Variants in PID1 observed in about 807,000 individuals in gnomAD.
The protein encoded by PID1 is PTB-containing, cubilin and LRP1-interacting protein.
A neutral mutation model predicts 19.1 loss-of-function variants in PID1; 10 were observed. The observed-to-expected ratio is 0.52, with a 90% CI of 0.32 to 0.89. The LOEUF is 0.89. Ranked by LOEUF, PID1 falls within the 40% of genes least tolerant of loss-of-function variation. The pLI, the probability that PID1 is intolerant of heterozygous loss-of-function variation, is 0.03. For missense variants in PID1, 248 were observed against 285.3 expected, an observed-to-expected ratio of 0.87 and a Z score of 0.94; for synonymous variants, 130 against 116.0, an observed-to-expected ratio of 1.12 and a Z score of -0.78.
At chr2:229,101,758 T>C (rs933380951) in intron 2 of PID1, among the ~76,000 whole-genome samples, 3 of 152,168 alleles carry the variant, frequency 2.0e-5, no homozygotes, top group East Asian at 1.9e-4. Context: ...CCAGCTTCAA[T>C]TGCCTTCCCT....
At chr2:229,198,643 C>A (rs575215742) in intron 1 of PID1, among the ~76,000 whole-genome samples, 1 of 152,156 alleles carries the variant, frequency 6.6e-6, no homozygotes, top group Non-Finnish European at 1.5e-5. Flanking sequence ...ATGGTACCAC[C>A]ATTCAGCTAT....
At chr2:229,030,325 T>C (rs1693520088) in intron 2 of PID1, among the ~76,000 whole-genome samples, 1 of 152,214 alleles carries the variant, frequency 6.6e-6, no homozygotes, top group Non-Finnish European at 1.5e-5. Context: ...AAGACAGTTC[T>C]GGAGATGGTT....
chr2:229,062,630 A>G lies in PID1; in HGVS notation c.178-36522T>C, dbSNP rs1574597073. ...ACACAAGGCCTACAAGAATAGAATGATGATTAATGTTGGCCTCATTAAATG... is the reference window on the plus strand; with the variant it reads ...ACACAAGGCCTACAAGAATAGAATGGTGATTAATGTTGGCCTCATTAAATG... On this transcript the variant is annotated intron_variant, in intron 2 of 2. Transcript: ENST00000392055. 2.0e-5 allele frequency among the ~76,000 whole-genome samples: 3 copies of G among 151,916 alleles called. No homozygotes were observed. The South Asian group carries it at 6.2e-4, about 31-fold the overall frequency.
At position 229,222,469 on chromosome 2, in the gene PID1, T is replaced by C. The variant is rs553792897; in HGVS notation, c.30+48545A>G. Among the ~76,000 whole-genome samples the C allele has an allele frequency of 5.3e-5, 8 of 152,342 alleles. No homozygotes were observed. In the South Asian group the frequency reaches 1.7e-3, roughly 32 times the overall value. On this transcript the variant is annotated intron_variant, in intron 1 of 2. Coordinates refer to ENST00000392055, the MANE Select transcript of PID1 (RefSeq NM_001100818.2). The stretch of plus-strand genomic sequence containing the variant: ...ACTACTATGTGGCTTTTATAATTAC[T>C]TTGCTGGTTACACAGACTGTAAGAG...
intron 2 of PID1, among the ~76,000 whole-genome samples, chr2:229,126,584 C>T (rs562719893): frequency 6.6e-6 from 1 of 152,202 alleles, no homozygotes; most frequent in Non-Finnish European, 1.5e-5. Context: ...ATAACCTTTC[C>T]TCCATCATGT....
intron 1 of PID1, among the ~76,000 whole-genome samples, chr2:229,168,924 T>G (rs1259956848): frequency 6.6e-6 from 1 of 152,190 alleles, no homozygotes; most frequent in Non-Finnish European, 1.5e-5. Context: ...TAGCATTAGC[T>G]TGTCCTTAAG....
At chr2:229,114,821 T>C (rs1236419492) in intron 2 of PID1, among the ~76,000 whole-genome samples, 2 of 152,186 alleles carry the variant, frequency 1.3e-5, no homozygotes, top group African/African-American at 2.4e-5. Flanking sequence ...AAGACCTGTG[T>C]CTTATGAAGC....
At chr2:229,229,267 T>C (rs1692150775) in intron 1 of PID1, among the ~76,000 whole-genome samples, 1 of 152,190 alleles carries the variant, frequency 6.6e-6, no homozygotes, top group African/African-American at 2.4e-5. Flanking sequence ...GCCAGCAACC[T>C]CACCTTGAAG....
chr2:229,110,706 T>C (rs546793436), intron 2 of PID1, among the ~76,000 whole-genome samples: 2 of 152,322 alleles, frequency 1.3e-5, no homozygotes, highest in South Asian at 4.1e-4. Flanking sequence ...ATATCTAGAA[T>C]GTTATCTCTA....
chr2:229,025,513 A>C lies in PID1; in HGVS notation c.*119T>G, dbSNP rs1693394564. 6.8e-6 allele frequency: 5 copies of C among 735,240 alleles called. No individual in the cohort carries two copies. The highest frequency in any genetic ancestry group is 1.2e-5 in the Non-Finnish European group (5 of 424,358). 45.5% of individuals were successfully genotyped at this position (735,240 alleles called of 1,614,324 possible). A position where few individuals can be genotyped will look rare whatever the true frequency, so the allele number is the denominator to read the frequency against. On this transcript the variant is annotated 3_prime_UTR_variant, in exon 3 of 3. Coordinates refer to ENST00000392055, the MANE Select transcript of PID1 (RefSeq NM_001100818.2). The stretch of plus-strand genomic sequence containing the variant: ...TTAGAATTGCTCTTCTGAATTTAAA[A>C]ACCTTGGTCAGCCAATAGTTTGGCA...
At chr2:229,039,858 A>G (rs1217398078) in intron 2 of PID1, among the ~76,000 whole-genome samples, 1 of 152,184 alleles carries the variant, frequency 6.6e-6, no homozygotes, top group Non-Finnish European at 1.5e-5. Flanking sequence ...ACAAAACTCT[A>G]TATGTCTTTT....
intron 1 of PID1, among the ~76,000 whole-genome samples, chr2:229,187,672 A>G (rs1307200791): frequency 6.6e-6 from 1 of 152,152 alleles, no homozygotes; most frequent in Non-Finnish European, 1.5e-5. Context: ...CCCTTATTTC[A>G]TTTATGTTTT....
chr2:229,186,821 C>A (rs189787650), intron 1 of PID1, among the ~76,000 whole-genome samples: 2 of 152,310 alleles, frequency 1.3e-5, no homozygotes, highest in Non-Finnish European at 2.9e-5. Context: ...ATGGGACTTC[C>A]TTTTCTATTG....
At chr2:229,169,334 T>C (rs1690664402) in intron 1 of PID1, among the ~76,000 whole-genome samples, 2 of 152,254 alleles carry the variant, frequency 1.3e-5, no homozygotes, top group African/African-American at 4.8e-5. Flanking sequence ...TCCCAGATCA[T>C]AGTACATGAT....
At chr2:229,179,815 T>C (rs1290921968) in intron 1 of PID1, among the ~76,000 whole-genome samples, 2 of 152,128 alleles carry the variant, frequency 1.3e-5, no homozygotes, top group Non-Finnish European at 2.9e-5. Context: ...CATTTGTTTG[T>C]CCTGGATTTA....
intron 2 of PID1, among the ~76,000 whole-genome samples, chr2:229,073,167 C>T (rs963859894): frequency 2.6e-5 from 4 of 152,084 alleles, no homozygotes; most frequent in Non-Finnish European, 5.9e-5. Context: ...CTGGGACTAC[C>T]GGCGCCCGCC....
At position 229,026,064 on chromosome 2, in the gene PID1, C is replaced by T. The variant is rs760542898; in HGVS notation, c.222G>A (p.Leu74=). The T allele has an allele frequency of 1.2e-6, 2 of 1,614,008 alleles. No homozygotes were observed. Among genetic ancestry groups the T allele is most frequent in the African/African-American group, 1.3e-5 (1 of 74,926 alleles). ...GKVSTTGMQF[L]SGCTEKPVIE... is the part of the protein sequence containing the mutation. ...TGACTGGCTTTTCTGTGCAGCCTGA[C>T]AAAAACTGCATGCCAGTGGTGGAGA... Residue 74 remains leucine, a synonymous_variant, in exon 3 of 3, where the codon TTG becomes TTA. Coordinates refer to ENST00000392055, the MANE Select transcript of PID1 (RefSeq NM_001100818.2).
intron 1 of PID1, among the ~76,000 whole-genome samples, chr2:229,179,540 T>C (rs1690894501): frequency 6.6e-6 from 1 of 152,076 alleles, no homozygotes; most frequent in African/African-American, 2.4e-5. Flanking sequence ...GCCCTCAAAT[T>C]TTCATACCAT....
intron 1 of PID1, among the ~76,000 whole-genome samples, chr2:229,233,443 A>T (rs1346238520): frequency 6.6e-6 from 1 of 151,846 alleles, no homozygotes; most frequent in Non-Finnish European, 1.5e-5. Context: ...AGGTATAGAA[A>T]TGAAGGGTCT....
Sources: allele counts gnomAD v4.1 joint callset (sites outside exome capture counted in the v4.1 genomes callset), GRCh38; gene constraint gnomAD v4.1.1; transcripts MANE v1.5; gene names NCBI Gene and HGNC (gene_info 2026-07-23, HGNC 2026-07-21).